SAMMSON: variants seen among roughly 807,000 people sequenced by gnomAD.
SAMMSON encodes survival associated mitochondrial melanoma specific oncogenic non-coding RNA, also known as long intergenic non-protein coding RNA 1212.
intron 4 of SAMMSON, among the ~76,000 whole-genome samples, chr3:70,154,311 G>A (rs1284186316): frequency 6.6e-6 from 1 of 152,004 alleles, no homozygotes; most frequent in African/African-American, 2.4e-5. Context: ...TCTTACAAAA[G>A]TGGTCTATTA....
chr3:70,015,574 G>C (rs1193519959), intron 3 of SAMMSON, among the ~76,000 whole-genome samples: 1 of 151,840 alleles, frequency 6.6e-6, no homozygotes, highest in Non-Finnish European at 1.5e-5. Flanking sequence ...TTCTTTCTTT[G>C]TTTATTATAC....
rs1305842551 is a variant in SAMMSON at position 70,100,792 on chromosome 3, G to A, written n.507+29227G>A. On this transcript the variant is annotated intron_variant and non_coding_transcript_variant, in intron 4 of 9. Transcript: ENST00000642114. The stretch of plus-strand genomic sequence containing the variant: ...GGAAAAAATCAACATACCAAACTGT[G>A]TATTATTTACACATTTCAATATTTA... 4.6e-5 allele frequency among the ~76,000 whole-genome samples: 7 copies of A among 152,076 alleles called. No individual in the cohort carries two copies. In the South Asian group the frequency reaches 8.3e-4, roughly 18 times the overall value.
At chr3:70,377,465 C>T (rs1260272907) in intron 9 of SAMMSON, among the ~76,000 whole-genome samples, 1 of 151,864 alleles carries the variant, frequency 6.6e-6, no homozygotes, top group Non-Finnish European at 1.5e-5. Flanking sequence ...TTTGGACACC[C>T]CACTCCACAA....
chr3:70,153,935 A>G (rs2067581704), intron 4 of SAMMSON, among the ~76,000 whole-genome samples: 1 of 152,004 alleles, frequency 6.6e-6, no homozygotes, highest in African/African-American at 2.4e-5. Flanking sequence ...GGTACCTCAT[A>G]TAAGTGGAAT....
intron 6 of SAMMSON, among the ~76,000 whole-genome samples, chr3:70,264,190 G>C (rs1427936875): frequency 6.6e-6 from 1 of 152,098 alleles, no homozygotes; most frequent in Non-Finnish European, 1.5e-5. Flanking sequence ...TATACAGATG[G>C]TGTAAATAAA....
chr3:70,313,485 A>C (rs1485908194), intron 7 of SAMMSON, among the ~76,000 whole-genome samples: 1 of 151,672 alleles, frequency 6.6e-6, no homozygotes, highest in Non-Finnish European at 1.5e-5. Flanking sequence ...CTGAAAGGAA[A>C]AAAAAAAAAG....
At chr3:70,068,729 T>C (rs2067219137) in intron 3 of SAMMSON, 1 of 152,106 alleles carries the variant, frequency 6.6e-6, no homozygotes, top group East Asian at 1.9e-4. Flanking sequence ...TATTGTGGTG[T>C]TAGATTTATC....
chr3:70,416,870 A>G (rs939035560), intron 2 of SAMMSON, among the ~76,000 whole-genome samples: 2 of 152,198 alleles, frequency 1.3e-5, no homozygotes, highest in African/African-American at 4.8e-5. Context: ...ACAGGAGCTA[A>G]TAGATTTTTT....
At chr3:70,303,678 CTTTAT>C (rs948325940) in intron 7 of SAMMSON, among the ~76,000 whole-genome samples, 5 of 151,956 alleles carry the variant, frequency 3.3e-5, no homozygotes, top group Admixed American at 6.6e-5. Context: ...TTTGATAGTT[CTTTAT>C]TTTATTTTAT....
chr3:70,053,828 G>A (rs1339614091), intron 3 of SAMMSON, among the ~76,000 whole-genome samples: 2 of 151,956 alleles, frequency 1.3e-5, no homozygotes, highest in Non-Finnish European at 2.9e-5. Flanking sequence ...CCACATGTTG[G>A]GAATTTAATT....
intron 1 of SAMMSON, among the ~76,000 whole-genome samples, chr3:70,005,782 C>G (rs1000670027): frequency 6.6e-6 from 1 of 152,208 alleles, no homozygotes; most frequent in Admixed American, 6.5e-5. Context: ...CACATTGCTT[C>G]TTTCAAACTT....
At position 70,114,147 on chromosome 3, in the gene SAMMSON, G is replaced by A. The variant is rs537482059; in HGVS notation, n.507+42582G>A. On this transcript the variant is annotated intron_variant and non_coding_transcript_variant, in intron 4 of 9. Coordinates refer to ENST00000642114, the Ensembl canonical transcript of SAMMSON. ...AGTTTTGTGCCCTCCAGAGGAGCGGGTCAGAAGGAAGTTTGACCTTGAGTA... is the reference window on the plus strand; with the variant it reads ...AGTTTTGTGCCCTCCAGAGGAGCGGATCAGAAGGAAGTTTGACCTTGAGTA... Among the ~76,000 whole-genome samples, 15 of 152,320 alleles carry A rather than the reference G, an allele frequency of 9.8e-5. No homozygotes were observed. In the South Asian group the frequency reaches 3.1e-3, roughly 32 times the overall value.
At chr3:70,287,633 G>C (rs1175053665) in intron 6 of SAMMSON, among the ~76,000 whole-genome samples, 1 of 152,056 alleles carries the variant, frequency 6.6e-6, no homozygotes, top group African/African-American at 2.4e-5. Flanking sequence ...AGAAGGAATG[G>C]TACCAGTTCC....
intron 4 of SAMMSON, among the ~76,000 whole-genome samples, chr3:70,102,703 G>A (rs1026125522): frequency 6.6e-6 from 1 of 152,196 alleles, no homozygotes; most frequent in Admixed American, 6.5e-5. Context: ...TAGAGAGTCA[G>A]CTCCTGGTTC....
chr3:70,064,744 A>C, intron 3 of SAMMSON, among the ~76,000 whole-genome samples: 1 of 152,098 alleles, frequency 6.6e-6, no homozygotes. Flanking sequence ...CTATTGGATG[A>C]GTCATTTTAC....
intron 3 of SAMMSON, among the ~76,000 whole-genome samples, chr3:70,058,537 A>G (rs1307628003): frequency 6.6e-6 from 1 of 152,046 alleles, no homozygotes; most frequent in Non-Finnish European, 1.5e-5. Context: ...CTCAGTCCAT[A>G]AAAACCCTGT....
intron 4 of SAMMSON, among the ~76,000 whole-genome samples, chr3:70,128,006 G>A (rs1026137795): frequency 6.6e-6 from 1 of 152,204 alleles, no homozygotes; most frequent in Admixed American, 6.5e-5. Flanking sequence ...GACCAGAATG[G>A]ATAACGTTCC....
intron 7 of SAMMSON, chr3:70,312,550 C>T (rs1038573754): frequency 4.6e-5 from 7 of 152,246 alleles, no homozygotes; most frequent in African/African-American, 1.7e-4. Flanking sequence ...AAGGTACTCA[C>T]CTGTGTGTTC....
chr3:70,197,370 G>A (rs1370126355), intron 4 of SAMMSON, among the ~76,000 whole-genome samples: 1 of 152,104 alleles, frequency 6.6e-6, no homozygotes, highest in African/African-American at 2.4e-5. Context: ...CTCTACTTAA[G>A]TAATTGCTTT....
Sources: gnomAD v4.1 joint callset for allele counts (sites outside exome capture counted in the v4.1 genomes callset) on GRCh38, gnomAD v4.1.1 for gene constraint, MANE v1.5 for transcripts, NCBI Gene and HGNC (gene_info 2026-07-23, HGNC 2026-07-21) for gene names.